Variants in SACS observed in about 807,000 individuals in gnomAD.
The protein encoded by SACS is sacsin molecular chaperone.
A neutral mutation model predicts 348.0 loss-of-function variants in SACS; 197 were observed. The ratio of observed to expected loss-of-function variants is 0.57; its 90% CI spans 0.50 to 0.64. The LOEUF is 0.64. Among genes scored for constraint, SACS ranks in the 30% least tolerant of loss-of-function variants. The pLI is 0.00. For synonymous variants in SACS, 1,985 were observed against 1,910.6 expected (o/e 1.04, Z -1.02); for missense variants, 4,999 against 5,360.8 (o/e 0.93, Z 2.11).
At chr13:23,376,605 T>A (rs1446203743) in intron 2 of SACS, among the ~76,000 whole-genome samples, 1 of 152,218 alleles carries the variant, frequency 6.6e-6, no homozygotes, top group Non-Finnish European at 1.5e-5. Context: ...GTTCTACAGC[T>A]GTTCCATCTC....
Position 23,340,608 on chromosome 13 carries a change from T to C in SACS, c.3268A>G (p.Ile1090Val). ...SPDILHSLRQIGLKNEASLKE... is the reference protein window; with the variant it reads ...SPDILHSLRQVGLKNEASLKE... Reference sequence around the variant, plus strand: ...AGACTGGCTTCGTTTTTTAAACCAATCTGTCTTAAGGAGTGAAGAATATCT... The same window carrying C: ...AGACTGGCTTCGTTTTTTAAACCAACCTGTCTTAAGGAGTGAAGAATATCT... Residue 1090 changes from isoleucine to valine, a missense_variant, in exon 10 of 10, where the codon ATT becomes GTT. Ile to Val is a conservative substitution (Grantham distance 29). Transcript: ENST00000382292. 1 of 1,612,866 alleles carries C rather than the reference T, an allele frequency of 6.2e-7. No homozygotes were observed. The highest frequency in any genetic ancestry group is 2.2e-5 in the East Asian group (1 of 44,872).
Position 23,355,090 on chromosome 13 carries a change from G to C in SACS, c.1522C>G (p.Leu508Val). The change falls in exon 8 of 10, where the codon CTG (leucine) becomes GTG (valine). Residue 508 changes from leucine to valine, a missense_variant. Physicochemically the swap from Leu to Val is conservative, Grantham distance 32. Around this residue, in one of 6 missense-constraint regions of SACS, gnomAD observed 3,156 missense variants for 3,380.1 expected, o/e 0.93. Transcript: ENST00000382292. The stretch of plus-strand genomic sequence containing the variant: ...AGACGTTTTATTGAATCTAAGATCA[G>C]AGTAGCATAAGCTTTGGGGACAACA... Reference protein sequence around the residue: ...MNVVPKAYATLILDSIKRLEM... With the variant: ...MNVVPKAYATVILDSIKRLEM... 1 of 1,614,200 alleles carries C rather than the reference G, an allele frequency of 6.2e-7. No individual in the cohort carries two copies. The highest frequency in any genetic ancestry group is 8.5e-7 in the Non-Finnish European group (1 of 1,180,048).
rs267603782 is a variant in SACS, at chr13:23,341,520, G to T, written c.2356C>A (p.Leu786Ile). Reference protein sequence around the residue: ...VSWLKMVWKNLYIHFSEDLTL... With the variant: ...VSWLKMVWKNIYIHFSEDLTL... ...AAATCCTCTGAAAAATGTATATAAA[G>T]ATTTTTCCAAACCATCTTAAGCCAT... Residue 786 changes from leucine (L) to isoleucine (I), a missense_variant, in exon 10 of 10, where the codon CTT (leucine) becomes ATT (isoleucine). By Grantham distance (5) the Leu-to-Ile change is conservative (BLOSUM62 2). Around this residue, in one of 6 missense-constraint regions of SACS, gnomAD observed 3,156 missense variants for 3,380.1 expected, o/e 0.93. Transcript: ENST00000382292. The T allele has an allele frequency of 5.2e-5, 84 of 1,613,694 alleles. No individual in the cohort carries two copies. The highest frequency in any genetic ancestry group is 6.5e-5 in the Non-Finnish European group (77 of 1,179,818).
chr13:23,343,814 C>T (rs539092625), intron 9 of SACS, among the ~76,000 whole-genome samples: 18 of 152,274 alleles, frequency 1.2e-4, no homozygotes, highest in African/African-American at 3.9e-4. Context: ...CAGAGGCCTA[C>T]GTATAAAAAA....
intron 2 of SACS, among the ~76,000 whole-genome samples, chr13:23,409,039 A>ATTTTTTTTTTTTT (rs1474798713): frequency 1.5e-5 from 1 of 66,814 alleles, no homozygotes; most frequent in African/African-American, 5.9e-5. Flanking sequence ...AACAAGTTTT[A>ATTTTTTTTTTTTT]CTTTTTTTTT....
At chr13:23,357,133 T>A (rs1340703502) in intron 7 of SACS, among the ~76,000 whole-genome samples, 1 of 152,146 alleles carries the variant, frequency 6.6e-6, no homozygotes, top group Non-Finnish European at 1.5e-5. Flanking sequence ...CAATGAGCAA[T>A]CAAAACCACA....
chr13:23,414,329 A>G (rs139993593), intron 1 of SACS, among the ~76,000 whole-genome samples: 299 of 152,252 alleles, frequency 2.0e-3, no homozygotes, highest in Middle Eastern at 3.4e-3. Context: ...TATGAATATA[A>G]ACACGTTTAT....
At chr13:23,368,880 T>C (rs1871213986) in intron 4 of SACS, among the ~76,000 whole-genome samples, 1 of 152,008 alleles carries the variant, frequency 6.6e-6, no homozygotes, top group Non-Finnish European at 1.5e-5. Context: ...TTTGTATTTT[T>C]AGTAGAGATG....
At position 23,335,135 on chromosome 13, in the gene SACS, A is replaced by G. The variant is rs1406743871; in HGVS notation, c.8741T>C (p.Met2914Thr). The G allele has an allele frequency of 1.2e-6, 2 of 1,613,844 alleles. No individual in the cohort carries two copies. Among genetic ancestry groups the G allele is most frequent in the South Asian group, 1.1e-5 (1 of 91,082 alleles). Residue 2914 changes from methionine to threonine, a missense_variant, in exon 10 of 10, where the codon ATG (methionine) becomes ACG (threonine). Physicochemically the swap from Met to Thr is moderately conservative, Grantham distance 81. This residue lies in a region of SACS where 734 missense variants were observed against 694.0 expected (regional missense o/e 1.06). Coordinates refer to ENST00000382292, the MANE Select transcript of SACS (RefSeq NM_014363.6). This position sits in a 1 kb window ranked among gnomAD's most constrained non-coding sequence, Gnocchi z 4.7. ...GVRSDWNNSL[M>T]TALIAPAYVE... is the part of the protein sequence containing the mutation. ...ATATGCAGGAGCTATTAATGCTGTC[A>G]TTAAACTGTTATTCCAGTCACTTCG...
At chr13:23,373,672 C>T (rs922156707) in intron 3 of SACS, among the ~76,000 whole-genome samples, 3 of 152,026 alleles carry the variant, frequency 2.0e-5, no homozygotes, top group African/African-American at 4.8e-5. Flanking sequence ...TGGTGGCACA[C>T]GCCTGTAGTC....
Position 23,354,737 on chromosome 13 carries a change from C to T in SACS, c.1875G>A (p.Lys625=). 1 of 1,613,566 alleles carries T rather than the reference C, an allele frequency of 6.2e-7. No individual in the cohort carries two copies. Among genetic ancestry groups the T allele is most frequent in the South Asian group, 1.1e-5 (1 of 91,042 alleles). Residue 625 remains lysine (K), a synonymous_variant, in exon 8 of 10, where the codon AAG becomes AAA. Coordinates refer to ENST00000382292, the MANE Select transcript of SACS (RefSeq NM_014363.6). The part of the protein sequence containing the change: ...TAASGTTPVR[K]VTPAWVRQVL... The stretch of plus-strand genomic sequence containing the variant: ...CCTGCCGCACCCACGCGGGCGTCAC[C>T]TTCCTCACAGGTGTTGTGCCAGAGG...
In SACS at chr13:23,341,112, G is replaced by A; in HGVS notation, c.2764C>T (p.Gln922Ter). 1 of 1,613,564 alleles carries A rather than the reference G, an allele frequency of 6.2e-7. No homozygotes were observed. Among genetic ancestry groups the A allele is most frequent in the Non-Finnish European group, 8.5e-7 (1 of 1,179,950 alleles). ...DSSEKEKRIIQELAIFKRINH... is the reference protein window; with the variant it reads ...DSSEKEKRII ...ATGCGCTTGAATATTGCCAATTCTT[G>A]AATAATTCTTTTCTCTTTCTCACTG... Residue 922 changes from glutamine (Q) to a stop codon, truncating the protein, a stop_gained, in exon 10 of 10, where the codon CAA becomes TAA. Coordinates refer to ENST00000382292, the MANE Select transcript of SACS (RefSeq NM_014363.6). LOFTEE classifies it high-confidence loss of function.
rs755863662 is a variant in SACS, at chr13:23,336,655, A to C, written c.7221T>G (p.Ile2407Met). 9.9e-6 allele frequency: 16 copies of C among 1,613,734 alleles called. No individual in the cohort carries two copies. The highest frequency in any genetic ancestry group is 9.3e-6 in the Non-Finnish European group (11 of 1,179,910). The change falls in exon 10 of 10, where the codon ATT (isoleucine) becomes ATG (methionine). Residue 2407 changes from isoleucine (I) to methionine (M), a missense_variant. Around this residue, in one of 6 missense-constraint regions of SACS, gnomAD observed 3,156 missense variants for 3,380.1 expected, o/e 0.93. Coordinates refer to ENST00000382292, the MANE Select transcript of SACS (RefSeq NM_014363.6). ...TTTGCTTTGTTCCTCTTTCTTGATC[A>C]ATAGATTCCAAAACAAGAGCAAAAT... ...VEDFALVLES[I>M]DQERGTKQIT...
chr13:23,339,030 T>C lies in SACS; in HGVS notation c.4846A>G (p.Asn1616Asp). Residue 1616 changes from asparagine to aspartate, a missense_variant, in exon 10 of 10, where the codon AAT becomes GAT. Physicochemically the swap from Asn to Asp is conservative, Grantham distance 23 (BLOSUM62 1). Transcript: ENST00000382292. ...KQQKRLRKFPNQFKPFIDVFG... is the reference protein window; with the variant it reads ...KQQKRLRKFPDQFKPFIDVFG... ...ACATCTATAAATGGTTTGAACTGAT[T>C]AGGAAATTTTCTAAGTCTTTTCTGT... 1 of 1,613,688 alleles carries C rather than the reference T, an allele frequency of 6.2e-7. No homozygotes were observed. The highest frequency in any genetic ancestry group is 8.5e-7 in the Non-Finnish European group (1 of 1,179,924).
chr13:23,338,950 G>C lies in SACS; in HGVS notation c.4926C>G (p.Thr1642=), dbSNP rs1183192870. The change falls in exon 10 of 10, where the codon ACC becomes ACG. Residue 1642 remains threonine, a synonymous_variant. Coordinates refer to ENST00000382292, the MANE Select transcript of SACS (RefSeq NM_014363.6). ...TVEAPYSYNG[T]LFRLSFRTQQ... is the part of the protein sequence containing the mutation. ...GAGTTCTAAAGGACAGTCGGAAAAG[G>C]GTTCCATTATAGCTGTAAGGTGCTT... 5 of 1,613,752 alleles carry C rather than the reference G, an allele frequency of 3.1e-6. No individual in the cohort carries two copies. The highest frequency in any genetic ancestry group is 4.2e-6 in the Non-Finnish European group (5 of 1,179,924).
chr13:23,345,036 G>A (rs1053951231), intron 9 of SACS, among the ~76,000 whole-genome samples: 6 of 152,168 alleles, frequency 3.9e-5, no homozygotes, highest in Non-Finnish European at 1.5e-5. Flanking sequence ...TTAATTAACT[G>A]AGAGTTTACT....
At chr13:23,428,849 C>T (rs1874302272) in intron 1 of SACS, 2 of 152,044 alleles carry the variant, frequency 1.3e-5, no homozygotes. Flanking sequence ...AGAAAGTATT[C>T]AATAAAGAGT....
rs776676926 is a variant in SACS, at chr13:23,334,731, T to C, written c.9145A>G (p.Lys3049Glu). 1 of 1,613,806 alleles carries C rather than the reference T, an allele frequency of 6.2e-7. No homozygotes were observed. Among genetic ancestry groups the C allele is most frequent in the Non-Finnish European group, 8.5e-7 (1 of 1,179,776 alleles). Residue 3049 changes from lysine to glutamate, a missense_variant, in exon 10 of 10, where the codon AAA becomes GAA. By Grantham distance (56) the Lys-to-Glu change is moderately conservative. This residue lies in a region of SACS where 734 missense variants were observed against 694.0 expected (regional missense o/e 1.06). Coordinates refer to ENST00000382292, the MANE Select transcript of SACS (RefSeq NM_014363.6). ...KNADYNITTR[K>E]TVAENVYRLK... ...CTATAGACATTCTCTGCTACTGTTT[T>C]GCGTGTGGTGATATTATAATCTGCA...
chr13:23,382,023 A>G (rs1872076748), intron 2 of SACS, among the ~76,000 whole-genome samples: 1 of 152,274 alleles, frequency 6.6e-6, no homozygotes, highest in Non-Finnish European at 1.5e-5. Context: ...CCTCATACAG[A>G]AAAGATTATA....
Sources: allele counts gnomAD v4.1 joint callset (sites outside exome capture counted in the v4.1 genomes callset), GRCh38; gene constraint gnomAD v4.1.1; regional missense constraint gnomAD v4.1.1; non-coding constraint Gnocchi (gnomAD v3.1); transcripts MANE v1.5; gene names NCBI Gene and HGNC (gene_info 2026-07-23, HGNC 2026-07-21).